CEP85L: variants seen among roughly 807,000 people sequenced by gnomAD.
CEP85L encodes centrosomal protein of 85 kDa-like.
CEP85L carries 60 observed loss-of-function variants against 100.3 expected under a neutral mutation model. The ratio of observed to expected loss-of-function variants is 0.60; its 90% confidence interval spans 0.49 to 0.74. The LOEUF (loss-of-function observed/expected upper bound fraction) is 0.74. CEP85L is among the 30% of genes least tolerant of loss of function. CEP85L has a pLI of 0.00. For synonymous variants in CEP85L, 319 were observed against 322.7 expected, an observed-to-expected ratio of 0.99 and a Z score of 0.12; for missense variants, 973 against 936.2, an observed-to-expected ratio of 1.04 and a Z score of -0.51.
intron 2 of CEP85L, among the ~76,000 whole-genome samples, chr6:118,577,107 A>G (rs1021002340): frequency 3.9e-5 from 6 of 152,188 alleles, no homozygotes; most frequent in Non-Finnish European, 8.8e-5. Flanking sequence ...CCTGAGGGCT[A>G]TCCAACCCCG....
At chr6:118,561,372 A>G (rs555382305) in intron 3 of CEP85L, among the ~76,000 whole-genome samples, 7 of 152,244 alleles carry the variant, frequency 4.6e-5, no homozygotes, top group Admixed American at 2.6e-4. Flanking sequence ...AGAAATAACT[A>G]ATTTTTTTGT....
chr6:118,512,643 CA>C (rs1402715640), intron 4 of CEP85L, among the ~76,000 whole-genome samples: 2 of 151,332 alleles, frequency 1.3e-5, no homozygotes, highest in African/African-American at 2.4e-5. Flanking sequence ...TTATCTGATC[CA>C]AAAAAAATCA....
intron 5 of CEP85L, among the ~76,000 whole-genome samples, chr6:118,510,214 A>G (rs907222655): frequency 1.3e-5 from 2 of 152,064 alleles, no homozygotes; most frequent in African/African-American, 2.4e-5. Context: ...AGATTCATTT[A>G]TAAAATACTC....
chr6:118,678,621 A>G (rs1245603960), intron 1 of CEP85L, among the ~76,000 whole-genome samples: 1 of 152,222 alleles, frequency 6.6e-6, no homozygotes, highest in Non-Finnish European at 1.5e-5. Context: ...TGCTGCTACT[A>G]TATAAATCAT....
intron 4 of CEP85L, among the ~76,000 whole-genome samples, chr6:118,522,999 T>C (rs1188306372): frequency 2.0e-5 from 3 of 152,202 alleles, no homozygotes; most frequent in South Asian, 4.1e-4. Context: ...CTTGTGAAAT[T>C]TCAACTATTA....
In CEP85L at chr6:118,566,294, T is replaced by C. The variant is rs777812128; in HGVS notation, c.255A>G (p.Thr85=). The change falls in exon 3 of 13, where the codon ACA becomes ACG. Residue 85 remains threonine (T), a synonymous_variant. Transcript: ENST00000368491. ...SVEDHSTSSG[T]LSFKPSQSLI... ...ATGATTGACTAGGCTTAAAAGATAA[T>C]GTGCCACTTGAAGTTGAATGATCTG... 15 of 1,613,044 alleles carry C rather than the reference T, an allele frequency of 9.3e-6. No homozygotes were observed. Among genetic ancestry groups the C allele is most frequent in the Non-Finnish European group, 1.3e-5 (15 of 1,179,658 alleles).
intron 5 of CEP85L, among the ~76,000 whole-genome samples, chr6:118,503,728 C>A (rs1775455260): frequency 6.8e-6 from 1 of 147,602 alleles, no homozygotes. Context: ...ATTGGACATC[C>A]ACATGCAAAG....
chr6:118,542,923 A>AAAAAAAAAAAAAAAAAAAAAC (rs1554216838), intron 3 of CEP85L, among the ~76,000 whole-genome samples: 2 of 143,932 alleles, frequency 1.4e-5, no homozygotes, highest in Non-Finnish European at 3.1e-5. Flanking sequence ...AAAAAAAAAA[A>AAAAAAAAAAAAAAAAAAAAAC]CAGGATATTC....
intron 3 of CEP85L, among the ~76,000 whole-genome samples, chr6:118,549,576 G>A (rs1778417464): frequency 6.6e-6 from 1 of 151,620 alleles, no homozygotes; most frequent in Non-Finnish European, 1.5e-5. Context: ...AACTCTGTAA[G>A]CAGCTTTCCT....
chr6:118,477,104 G>A (rs1464982786), intron 10 of CEP85L, among the ~76,000 whole-genome samples: 1 of 151,996 alleles, frequency 6.6e-6, no homozygotes, highest in African/African-American at 2.4e-5. Flanking sequence ...AATGACAGAA[G>A]AAAAAACCTA....
rs143630657 is a variant in CEP85L at position 118,553,499 on chromosome 6, C to T, written c.1020+12030G>A. On this transcript the variant is annotated intron_variant, in intron 3 of 12. Coordinates refer to ENST00000368491, the MANE Select transcript of CEP85L (RefSeq NM_001042475.3). Reference sequence around the variant, plus strand: ...CAGATGATAACTGTAAAAAATTGAGCCCAATAAATTAAATGTATATCATTA... The same window carrying T: ...CAGATGATAACTGTAAAAAATTGAGTCCAATAAATTAAATGTATATCATTA... Among the ~76,000 whole-genome samples, 700 of 152,190 alleles carry T rather than the reference C, an allele frequency of 4.6e-3. 5 individuals carry two copies. The highest frequency in any genetic ancestry group is 0.016 in the African/African-American group (667 of 41,508).
chr6:118,674,820 C>T (rs955710646), intron 1 of CEP85L, among the ~76,000 whole-genome samples: 7 of 152,072 alleles, frequency 4.6e-5, no homozygotes, highest in South Asian at 2.1e-4. Flanking sequence ...AAGGCATTGA[C>T]GAGGATGTGG....
At chr6:118,514,936 C>A (rs1776183891) in intron 4 of CEP85L, among the ~76,000 whole-genome samples, 1 of 151,788 alleles carries the variant, frequency 6.6e-6, no homozygotes. Flanking sequence ...TTCCAAATAG[C>A]TGGGACTATA....
At chr6:118,486,891 T>C (rs1450300888) in intron 6 of CEP85L, among the ~76,000 whole-genome samples, 1 of 152,096 alleles carries the variant, frequency 6.6e-6, no homozygotes, top group Non-Finnish European at 1.5e-5. Flanking sequence ...CCTTACTGCT[T>C]TCTCTCCCAT....
intron 2 of CEP85L, among the ~76,000 whole-genome samples, chr6:118,595,496 A>G (rs1781416938): frequency 6.6e-6 from 1 of 152,164 alleles, no homozygotes. Context: ...CCTCTCCTCC[A>G]TGTTTATCTC....
At chr6:118,594,316 AC>A (rs1781350284) in intron 2 of CEP85L, among the ~76,000 whole-genome samples, 2 of 152,208 alleles carry the variant, frequency 1.3e-5, no homozygotes, top group African/African-American at 4.8e-5. Context: ...CCACAGGATG[AC>A]CTCAAAATTT....
upstream of CEP85L, chr6:118,652,715 AT>A: frequency 6.5e-7 from 1 of 1,543,928 alleles, no homozygotes; most frequent in Non-Finnish European, 8.8e-7. Flanking sequence ...CCGTGTTGTA[AT>A]TTATCTGATT....
At chr6:118,619,177 T>C (rs964919658) in intron 2 of CEP85L, among the ~76,000 whole-genome samples, 1 of 151,718 alleles carries the variant, frequency 6.6e-6, no homozygotes, top group Non-Finnish European at 1.5e-5. Context: ...CACCACGCCT[T>C]CAAAACTGGA....
intron 2 of CEP85L, among the ~76,000 whole-genome samples, chr6:118,594,881 CA>C (rs34433072): frequency 0.2 from 27,440 of 134,742 alleles, 2,616 homozygotes; most frequent in Non-Finnish European, 0.22. Context: ...CAAAACAAAA[CA>C]AAAAAAAAAA....
Sources: allele counts gnomAD v4.1 joint callset (sites outside exome capture counted in the v4.1 genomes callset), GRCh38; gene constraint gnomAD v4.1.1; transcripts MANE v1.5; gene names NCBI Gene and HGNC (gene_info 2026-07-23, HGNC 2026-07-21).